The following XKR5 variants were observed in gnomAD, a reference collection of about 807,000 sequenced individuals.
The protein encoded by XKR5 is XK-related protein 5.
A neutral mutation model predicts 40.8 loss-of-function variants in XKR5; 46 were observed. The ratio of observed to expected loss-of-function variants is 1.13; its 90% CI spans 0.89 to 1.44. The LOEUF (loss-of-function observed/expected upper bound fraction) is 1.44, where lower values mean the gene tolerates loss of function less well. XKR5 is among the 40% of genes most tolerant of loss of function. The pLI, the probability that XKR5 is intolerant of heterozygous loss-of-function variation, is 0.00. For missense variants in XKR5, 1,169 were observed against 844.7 expected, an observed-to-expected ratio of 1.38 and a Z score of -4.76; for synonymous variants, 466 against 356.1, an observed-to-expected ratio of 1.31 and a Z score of -3.48.
In XKR5 at chr8:6,824,308, G is replaced by A. The variant is rs373350918; in HGVS notation, c.428-578C>T. Among the ~76,000 whole-genome samples the A allele has an allele frequency of 3.3e-5, 5 of 151,974 alleles. No individual in the cohort carries two copies. In the East Asian group the frequency reaches 9.7e-4, roughly 29 times the overall value. On this transcript the variant is annotated intron_variant, in intron 3 of 6. Transcript: ENST00000618742. ...GAGATGAAGATGGAAGGGGAGAGGT[G>A]GGGAGGGAGAGAAGGGGGTGAAGGG...
chr8:6,814,925 T>A (rs61738920), intron 6 of XKR5, among the ~76,000 whole-genome samples: 18 of 152,334 alleles, frequency 1.2e-4, no homozygotes, highest in African/African-American at 3.8e-4. Flanking sequence ...AACCCCCGGC[T>A]GCTGTGAGCA....
At chr8:6,830,584 T>C (rs1804719531) in intron 2 of XKR5, among the ~76,000 whole-genome samples, 2 of 152,244 alleles carry the variant, frequency 1.3e-5, no homozygotes, top group African/African-American at 4.8e-5. Context: ...TATCTTGTTT[T>C]CTAACATTTC....
At position 6,820,497 on chromosome 8, in the gene XKR5, A is replaced by T. The variant is rs1804180001; in HGVS notation, c.807+1372T>A. Among the ~76,000 whole-genome samples, 4 of 152,176 alleles carry T rather than the reference A, an allele frequency of 2.6e-5. No individual in the cohort carries two copies. In the South Asian group the frequency reaches 8.3e-4, roughly 32 times the overall value. On this transcript the variant is annotated intron_variant, in intron 5 of 6. Transcript: ENST00000618742. ...GGTGGCAGGTGTCAAACTCCTCCTT[A>T]TTGAGCTCCTGCTTATCTGGGCATT...
intron 6 of XKR5, among the ~76,000 whole-genome samples, chr8:6,812,824 A>G (rs1183670482): frequency 1.3e-5 from 2 of 152,252 alleles, no homozygotes; most frequent in Non-Finnish European, 2.9e-5. Context: ...AGTAAGACCT[A>G]AACAGAGGTT....
rs185203974 is a variant in XKR5 at position 6,820,447 on chromosome 8, G to C, written c.807+1422C>G. 5.9e-5 allele frequency among the ~76,000 whole-genome samples: 9 copies of C among 152,354 alleles called. No individual in the cohort carries two copies. In the East Asian group the frequency reaches 1.5e-3, roughly 26 times the overall value. On this transcript the variant is annotated intron_variant, in intron 5 of 6. Transcript: ENST00000618742. ...GGAGATGACACGGCAACTGACATGT[G>C]AGTGTGACAAATGCAAGCAAACAAG...
chr8:6,834,347 CAGCCCTT>C (rs1465969971), intron 1 of XKR5, among the ~76,000 whole-genome samples: 2 of 152,232 alleles, frequency 1.3e-5, no homozygotes, highest in Admixed American at 1.3e-4. Context: ...CGGGCTCAGG[CAGCCCTT>C]AGCGCCCAGG....
In XKR5 at chr8:6,822,021, T is replaced by A. The variant is rs761110886; in HGVS notation, c.655A>T (p.Met219Leu). 1.2e-6 allele frequency: 2 copies of A among 1,605,038 alleles called. No individual in the cohort carries two copies. The highest frequency in any genetic ancestry group is 2.2e-5 in the South Asian group (2 of 89,450). ...FVVAGAHWLVMTFWLVAQQSD... is the reference protein window; with the variant it reads ...FVVAGAHWLVLTFWLVAQQSD... ...TGCTGGGCGACAAGCCAGAATGTCA[T>A]CACCAGCCAGTGGGCACCTGCAGAG... The change falls in exon 5 of 7, where the codon ATG becomes TTG. Residue 219 changes from methionine (M) to leucine (L), a missense_variant. By Grantham distance (15) the Met-to-Leu change is conservative. Coordinates refer to ENST00000618742, the MANE Select transcript of XKR5 (RefSeq NM_207411.5).
chr8:6,811,002 G>T lies in XKR5; in HGVS notation c.*196C>A. 1.7e-6 allele frequency: 1 copy of T among 573,104 alleles called. No homozygotes were observed. Among genetic ancestry groups the T allele is most frequent in the Non-Finnish European group, 3.0e-6 (1 of 328,202 alleles). 35.5% of individuals were successfully genotyped at this position (573,104 alleles called of 1,614,324 possible). On this transcript the variant is annotated 3_prime_UTR_variant, in exon 7 of 7. Coordinates refer to ENST00000618742, the MANE Select transcript of XKR5 (RefSeq NM_207411.5). Reference sequence around the variant, plus strand: ...TTAGAGTCTCTCCTATGCATGGGTGGGGTCTGTGATGTTTGCATTGGACCT... The same window carrying T: ...TTAGAGTCTCTCCTATGCATGGGTGTGGTCTGTGATGTTTGCATTGGACCT...
chr8:6,828,433 C>T (rs1180543092), intron 2 of XKR5, among the ~76,000 whole-genome samples: 1 of 152,170 alleles, frequency 6.6e-6, no homozygotes, highest in Non-Finnish European at 1.5e-5. Flanking sequence ...TGTGGGGCTA[C>T]TCTTGTAAGA....
intron 5 of XKR5, among the ~76,000 whole-genome samples, chr8:6,820,873 A>C (rs1016842457): frequency 1.3e-5 from 2 of 151,880 alleles, no homozygotes; most frequent in Non-Finnish European, 2.9e-5. Flanking sequence ...CTTTACCTTC[A>C]CCCAGGTCTC....
At chr8:6,835,383 G>C in intron 1 of XKR5, 53 bp downstream of exon 1, 1 of 1,365,450 alleles carries the variant, frequency 7.3e-7, no homozygotes. Context: ...CCCGGCGCCG[G>C]GGTGGGGTTA....
At chr8:6,825,496 C>T (rs1804423871) in intron 2 of XKR5, 147 bp from the exon 3 acceptor site, 5 of 605,008 alleles carry the variant, frequency 8.3e-6, no homozygotes, top group South Asian at 3.3e-5. Flanking sequence ...CTGTTGCCAG[C>T]CTCTGACTGC....
In XKR5 at chr8:6,811,408, A is replaced by G; in HGVS notation, c.1851T>C (p.Pro617=). The G allele has an allele frequency of 2.0e-6, 3 of 1,537,206 alleles. No individual in the cohort carries two copies. Among genetic ancestry groups the G allele is most frequent in the Non-Finnish European group, 2.6e-6 (3 of 1,146,894 alleles). ...GCTCTGAGATACTGAGGGTTCTTCCAGGGAAGCCTGCACTGGGGCAGAAGC... is the reference window on the plus strand; with the variant it reads ...GCTCTGAGATACTGAGGGTTCTTCCGGGGAAGCCTGCACTGGGGCAGAAGC... ...CRGFCPSAGF[P]GRTLSISELE... is the part of the protein sequence containing the mutation. The change falls in exon 7 of 7, where the codon CCT becomes CCC. Residue 617 remains proline, a synonymous_variant. Transcript: ENST00000618742.
In XKR5 at chr8:6,823,511, C is replaced by G. The variant is rs1563356397; in HGVS notation, c.637+10G>C. The stretch of plus-strand genomic sequence containing the variant: ...CAGCAACAGATGACCAGATCATTAG[C>G]TCAGCTCACCTGCAACCACAAAAAC... On this transcript the variant is annotated intron_variant, in intron 4 of 6. Transcript: ENST00000618742. 1.3e-6 allele frequency: 2 copies of G among 1,575,068 alleles called. No homozygotes were observed. The highest frequency in any genetic ancestry group is 8.6e-7 in the Non-Finnish European group (1 of 1,159,938).
At chr8:6,819,812 C>G (rs773080086) in intron 5 of XKR5, among the ~76,000 whole-genome samples, 28 of 119,088 alleles carry the variant, frequency 2.4e-4, no homozygotes, top group Non-Finnish European at 3.7e-4. Flanking sequence ...CCCTCCACTT[C>G]CTTCCTCTTC....
chr8:6,826,544 T>C (rs182787039), intron 2 of XKR5, among the ~76,000 whole-genome samples: 1 of 152,232 alleles, frequency 6.6e-6, no homozygotes, highest in African/African-American at 2.4e-5. Flanking sequence ...CTTTGAGGTT[T>C]CAGGCCTAAA....
chr8:6,832,907 G>A lies in XKR5; in HGVS notation c.59-7C>T, dbSNP rs1163299178. ...TAAGCCACGGTGTAAAGGCCTGGGTGAGAAGGGGAAAGGCAAGCAGGTTGT... is the reference window on the plus strand; with the variant it reads ...TAAGCCACGGTGTAAAGGCCTGGGTAAGAAGGGGAAAGGCAAGCAGGTTGT... On this transcript the variant is annotated splice_region_variant and splice_polypyrimidine_tract_variant and intron_variant, in intron 1 of 6. Coordinates refer to ENST00000618742, the MANE Select transcript of XKR5 (RefSeq NM_207411.5). The A allele has an allele frequency of 3.2e-6, 5 of 1,557,584 alleles. No individual in the cohort carries two copies. Among genetic ancestry groups the A allele is most frequent in the Non-Finnish European group, 4.3e-6 (5 of 1,155,676 alleles).
intron 6 of XKR5, among the ~76,000 whole-genome samples, chr8:6,814,375 C>T (rs1803868358): frequency 6.6e-6 from 1 of 152,122 alleles, no homozygotes; most frequent in African/African-American, 2.4e-5. Context: ...AGACCGATCC[C>T]CAGGGTGCAC....
intron 6 of XKR5, among the ~76,000 whole-genome samples, chr8:6,814,738 C>A (rs967394891): frequency 6.6e-6 from 1 of 152,200 alleles, no homozygotes; most frequent in African/African-American, 2.4e-5. Flanking sequence ...GGACCCGTGA[C>A]GTCTCATGAA....
Sources: allele counts gnomAD v4.1 joint callset (sites outside exome capture counted in the v4.1 genomes callset), GRCh38; gene constraint gnomAD v4.1.1; transcripts MANE v1.5; gene names NCBI Gene and HGNC (gene_info 2026-07-23, HGNC 2026-07-21).